PARP15: variants seen among roughly 807,000 people sequenced by gnomAD.
PARP15 encodes protein mono-ADP-ribosyltransferase PARP15.
Under a neutral mutation model 62.1 loss-of-function variants are expected in PARP15, and 50 were observed. That is an observed-to-expected ratio of 0.81 (90% CI 0.64 to 1.02). The LOEUF (loss-of-function observed/expected upper bound fraction) is 1.02. Ranked by LOEUF, PARP15 falls within the 50% of genes least tolerant of loss-of-function variation. PARP15 has a pLI of 0.00. For synonymous variants in PARP15, 309 were observed against 293.1 expected (o/e 1.05, Z -0.55); for missense variants, 820 against 826.5 (o/e 0.99, Z 0.10).
intron 2 of PARP15, among the ~76,000 whole-genome samples, chr3:122,610,239 T>C (rs1323179101): frequency 6.6e-6 from 1 of 152,208 alleles, no homozygotes; most frequent in African/African-American, 2.4e-5. Context: ...TTTTCATAGC[T>C]CTACTCTGAC....
intron 3 of PARP15, among the ~76,000 whole-genome samples, chr3:122,612,366 CTCTT>C (rs1441952517): frequency 6.6e-6 from 1 of 150,568 alleles, no homozygotes; most frequent in Non-Finnish European, 1.5e-5. Flanking sequence ...AATATTCTCT[CTCTT>C]TTTTTTTTTT....
At chr3:122,623,383 C>T (rs1475275465) in intron 8 of PARP15, among the ~76,000 whole-genome samples, 1 of 152,082 alleles carries the variant, frequency 6.6e-6, no homozygotes, top group African/African-American at 2.4e-5. Flanking sequence ...GAATGATACC[C>T]AATGCAGAGG....
At chr3:122,596,165 T>C (rs1268946349) in intron 1 of PARP15, among the ~76,000 whole-genome samples, 1 of 151,888 alleles carries the variant, frequency 6.6e-6, no homozygotes, top group African/African-American at 2.4e-5. Flanking sequence ...AAGACCATCC[T>C]GGCCAACATG....
chr3:122,578,007 A>G (rs1377852787), intron 1 of PARP15, among the ~76,000 whole-genome samples, 154 bp downstream of exon 1: 2 of 149,610 alleles, frequency 1.3e-5, no homozygotes, highest in East Asian at 3.9e-4. Context: ...CTGTTCCGGA[A>G]GAGGGGGATG....
rs1043597815 is a variant in PARP15, at chr3:122,577,852, T to C, written c.185T>C (p.Met62Thr). ...TCCCGGCGCTCTTCCTCCCGGAGTA[T>C]GGTGAGGAGCGCGGGGGACGGGTGC... is the stretch of plus-strand genomic sequence containing the variant. ...KASRRSSSRS[M>T]SRDNKFSKKD... The change falls in exon 1 of 12, where the codon ATG becomes ACG. Residue 62 changes from methionine to threonine, a missense_variant and splice_region_variant. This residue lies in a region of PARP15 where 731 missense variants were observed against 727.7 expected (regional missense o/e 1.00). Coordinates refer to ENST00000464300, the MANE Select transcript of PARP15 (RefSeq NM_001113523.3). 1.3e-6 allele frequency: 2 copies of C among 1,543,790 alleles called. No homozygotes were observed. Among genetic ancestry groups the C allele is most frequent in the East Asian group, 2.5e-5 (1 of 40,746 alleles).
intron 1 of PARP15, among the ~76,000 whole-genome samples, chr3:122,579,999 GTATATATATATATATA>G (rs59527124): frequency 1.1e-4 from 7 of 64,476 alleles, no homozygotes; most frequent in South Asian, 1.2e-3. Context: ...GCAACTATAT[GTATATATATATATATA>G]TATATATATA....
intron 1 of PARP15, among the ~76,000 whole-genome samples, chr3:122,605,720 C>T (rs1235079738): frequency 1.3e-5 from 2 of 152,052 alleles, no homozygotes; most frequent in Non-Finnish European, 2.9e-5. Flanking sequence ...ACTACAGGCA[C>T]ATGCCACTGA....
At chr3:122,623,796 T>C (rs1017165724) in intron 8 of PARP15, among the ~76,000 whole-genome samples, 2 of 152,222 alleles carry the variant, frequency 1.3e-5, no homozygotes, top group Non-Finnish European at 2.9e-5. Flanking sequence ...TGATGATGCC[T>C]TCAGAGATGC....
intron 1 of PARP15, among the ~76,000 whole-genome samples, chr3:122,583,419 GCA>G (rs1933130539): frequency 6.6e-6 from 1 of 151,786 alleles, no homozygotes; most frequent in African/African-American, 2.4e-5. Flanking sequence ...GAGCCACCAA[GCA>G]CAGTCTGTAT....
intron 6 of PARP15, among the ~76,000 whole-genome samples, chr3:122,617,419 T>C (rs1231610644): frequency 6.6e-6 from 1 of 152,196 alleles, no homozygotes; most frequent in East Asian, 1.9e-4. Flanking sequence ...AGATGGGGTG[T>C]TAACTGATAT....
chr3:122,578,529 G>A (rs1356962453), intron 1 of PARP15, among the ~76,000 whole-genome samples: 2 of 152,076 alleles, frequency 1.3e-5, no homozygotes, highest in Non-Finnish European at 2.9e-5. Context: ...GCTTTATCAT[G>A]TACTAGACTT....
At chr3:122,628,544 T>A (rs1351806957) in intron 9 of PARP15, among the ~76,000 whole-genome samples, 1 of 152,210 alleles carries the variant, frequency 6.6e-6, no homozygotes, top group Non-Finnish European at 1.5e-5. Context: ...TAAGTCATTA[T>A]CAGTAAAGTA....
chr3:122,605,761 T>A (rs1935118320), intron 1 of PARP15, among the ~76,000 whole-genome samples, 175 bp from the exon 2 acceptor site: 1 of 152,078 alleles, frequency 6.6e-6, no homozygotes, highest in Non-Finnish European at 1.5e-5. Context: ...ATTTATTTTT[T>A]CGTAGAGACA....
Position 122,594,702 on chromosome 3 carries a change from T to C in PARP15, c.187-11234T>C, listed in dbSNP as rs187461273. ...CTTTTAAAAATCTATTTTCTTCTAA[T>C]ATGAAATAAAATTACAATACCAATA... On this transcript the variant is annotated intron_variant, in intron 1 of 11. Coordinates refer to ENST00000464300, the MANE Select transcript of PARP15 (RefSeq NM_001113523.3). 4.9e-4 allele frequency: 459 copies of C among 933,832 alleles called. 5 individuals are homozygous for C. The highest frequency in any genetic ancestry group is 5.5e-4 in the Middle Eastern group (1 of 1,820). The allele number at this position is 933,832 out of a possible 1,614,324, so 57.8% of individuals were successfully genotyped here. A position where few individuals can be genotyped will look rare whatever the true frequency, so the allele number is the denominator to read the frequency against.
In PARP15 at chr3:122,602,652, A is replaced by C. The variant is rs535779183; in HGVS notation, c.187-3284A>C. On this transcript the variant is annotated intron_variant, in intron 1 of 11. Transcript: ENST00000464300. Reference sequence around the variant, plus strand: ...TCTATTATAACCATTCCTTTCAAAAATAGTAATGACCTTACTTTAAAGAGG... The same window carrying C: ...TCTATTATAACCATTCCTTTCAAAACTAGTAATGACCTTACTTTAAAGAGG... 2.0e-5 allele frequency among the ~76,000 whole-genome samples: 3 copies of C among 152,372 alleles called. No individual in the cohort carries two copies. The East Asian group carries it at 5.8e-4, about 29-fold the overall frequency.
chr3:122,597,108 C>T (rs1450456545), intron 1 of PARP15, among the ~76,000 whole-genome samples: 9 of 152,180 alleles, frequency 5.9e-5, no homozygotes, highest in African/African-American at 1.7e-4. Context: ...GATTTAGTGT[C>T]TGATGAGGGC....
At chr3:122,601,224 A>G (rs1934776467) in intron 1 of PARP15, among the ~76,000 whole-genome samples, 1 of 151,826 alleles carries the variant, frequency 6.6e-6, no homozygotes, top group Non-Finnish European at 1.5e-5. Flanking sequence ...GGGTTTCACC[A>G]TGTTGGCCAG....
In PARP15 at chr3:122,636,188, A is replaced by T; in HGVS notation, c.*88A>T. On this transcript the variant is annotated 3_prime_UTR_variant, in exon 12 of 12. Transcript: ENST00000464300. ...CTTTGCTTCTGGCCTGTGTAAGCAG[A>T]TGAAAGTTTCCCTTTTAGGTGCCAA... is the stretch of plus-strand genomic sequence containing the variant. The T allele has an allele frequency of 7.4e-7, 1 of 1,358,788 alleles. No homozygotes were observed. Among genetic ancestry groups the T allele is most frequent in the East Asian group, 2.4e-5 (1 of 41,534 alleles). 84.2% of individuals were successfully genotyped at this position (1,358,788 alleles called of 1,614,324 possible). A position where few individuals can be genotyped will look rare whatever the true frequency, so the allele number is the denominator to read the frequency against.
chr3:122,635,963 A>G lies in PARP15; in HGVS notation c.1900A>G (p.Thr634Ala). The change falls in exon 12 of 12, where the codon ACC becomes GCC. Residue 634 changes from threonine (T) to alanine (A), a missense_variant. By Grantham distance (58) the Thr-to-Ala change is moderately conservative. Coordinates refer to ENST00000464300, the MANE Select transcript of PARP15 (RefSeq NM_001113523.3). ...VFTKGRAGLVTPPPKNPHNPT... is the reference protein window; with the variant it reads ...VFTKGRAGLVAPPPKNPHNPT... Reference sequence around the variant, plus strand: ...CACAAAGGGACGTGCAGGATTAGTCACCCCTCCACCCAAGAATCCTCACAA... The same window carrying G: ...CACAAAGGGACGTGCAGGATTAGTCGCCCCTCCACCCAAGAATCCTCACAA... The G allele has an allele frequency of 6.2e-7, 1 of 1,614,054 alleles. No individual in the cohort carries two copies. The highest frequency in any genetic ancestry group is 8.5e-7 in the Non-Finnish European group (1 of 1,180,010).
Sources: gnomAD v4.1 joint callset for allele counts (sites outside exome capture counted in the v4.1 genomes callset) on GRCh38, gnomAD v4.1.1 for gene constraint, gnomAD v4.1.1 regional missense constraint, MANE v1.5 for transcripts, NCBI Gene and HGNC (gene_info 2026-07-23, HGNC 2026-07-21) for gene names.